The following CSNK1G1 variants were observed in gnomAD, a reference collection of about 807,000 sequenced individuals.
CSNK1G1 encodes the protein casein kinase I isoform gamma-1.
CSNK1G1 carries 22 observed loss-of-function variants against 59.6 expected under a neutral mutation model. The observed-to-expected ratio is 0.37, with a 90% CI of 0.26 to 0.53. CSNK1G1 has a LOEUF of 0.53. CSNK1G1 is among the 20% of genes least tolerant of loss of function. The pLI is 0.89. For synonymous variants in CSNK1G1, 179 were observed against 177.1 expected, an observed-to-expected ratio of 1.01 and a Z score of -0.08; for missense variants, 384 against 519.5, an observed-to-expected ratio of 0.74 and a Z score of 2.54.
intron 2 of CSNK1G1, among the ~76,000 whole-genome samples, chr15:64,284,960 C>T (rs1324535644): frequency 6.6e-6 from 1 of 151,876 alleles, no homozygotes; most frequent in South Asian, 2.1e-4. Context: ...GCCTTGACTC[C>T]TCAATACAAA....
At chr15:64,301,393 G>A (rs957522885) in intron 1 of CSNK1G1, among the ~76,000 whole-genome samples, 13 of 150,344 alleles carry the variant, frequency 8.6e-5, no homozygotes, top group Non-Finnish European at 1.8e-4. Flanking sequence ...AATCTTAAGC[G>A]TAACATTCAT....
intron 3 of CSNK1G1, among the ~76,000 whole-genome samples, chr15:64,254,218 G>C (rs1454873194): frequency 2.0e-5 from 3 of 152,068 alleles, no homozygotes; most frequent in Non-Finnish European, 4.4e-5. Flanking sequence ...TGGTTGCCAA[G>C]GGGTTGGGGG....
chr15:64,198,732 A>G (rs1475467226), intron 10 of CSNK1G1, among the ~76,000 whole-genome samples: 2 of 149,688 alleles, frequency 1.3e-5, no homozygotes, highest in African/African-American at 5.0e-5. Flanking sequence ...ATTTTCTTAA[A>G]AAAAAAAAAA....
At chr15:64,207,193 A>T (rs953000591) in intron 7 of CSNK1G1, among the ~76,000 whole-genome samples, 17 of 152,352 alleles carry the variant, frequency 1.1e-4, no homozygotes, top group South Asian at 6.2e-4. Context: ...AGCATTTATA[A>T]TGTAGACTAA....
At chr15:64,263,160 G>C (rs1436717405) in intron 2 of CSNK1G1, among the ~76,000 whole-genome samples, 1 of 151,348 alleles carries the variant, frequency 6.6e-6, no homozygotes, top group Admixed American at 6.6e-5. Flanking sequence ...GAAGTCTTGA[G>C]GAGTCTCATC....
intron 2 of CSNK1G1, among the ~76,000 whole-genome samples, chr15:64,274,070 T>A (rs1050399479): frequency 1.3e-5 from 2 of 152,194 alleles, no homozygotes; most frequent in African/African-American, 4.8e-5. Flanking sequence ...CCCAACATAG[T>A]GGCTGATACA....
chr15:64,236,182 TAGTG>T (rs1006774138), intron 4 of CSNK1G1, among the ~76,000 whole-genome samples: 2 of 138,510 alleles, frequency 1.4e-5, no homozygotes, highest in African/African-American at 5.3e-5. Context: ...GAAAAGAAAA[TAGTG>T]AGGAAAAGTT....
intron 2 of CSNK1G1, among the ~76,000 whole-genome samples, chr15:64,298,430 G>C (rs1267357890): frequency 6.6e-6 from 1 of 152,162 alleles, no homozygotes; most frequent in Non-Finnish European, 1.5e-5. Flanking sequence ...AATATTCACA[G>C]AACTATTCGT....
intron 10 of CSNK1G1, among the ~76,000 whole-genome samples, chr15:64,192,230 T>C (rs996686071): frequency 3.9e-5 from 6 of 152,218 alleles, no homozygotes; most frequent in African/African-American, 1.4e-4. Flanking sequence ...AGAAAAGTCA[T>C]TCAGCAAAGT....
chr15:64,289,832 T>A (rs1894640174), intron 2 of CSNK1G1, among the ~76,000 whole-genome samples: 1 of 152,090 alleles, frequency 6.6e-6, no homozygotes, highest in Non-Finnish European at 1.5e-5. Flanking sequence ...AATGAAGACA[T>A]ACAAATGACT....
At chr15:64,293,243 TCTC>T (rs1394081524) in intron 2 of CSNK1G1, among the ~76,000 whole-genome samples, 6 of 152,072 alleles carry the variant, frequency 3.9e-5, no homozygotes, top group Admixed American at 3.9e-4. Flanking sequence ...TCTTCATAAT[TCTC>T]CTTTCATTGA....
intron 10 of CSNK1G1, among the ~76,000 whole-genome samples, chr15:64,193,406 T>C (rs1190531268): frequency 6.6e-6 from 1 of 151,140 alleles, no homozygotes; most frequent in Non-Finnish European, 1.5e-5. Context: ...GGCAGGAGAA[T>C]TGCTTGAACC....
chr15:64,295,048 G>A (rs1256197895), intron 2 of CSNK1G1, among the ~76,000 whole-genome samples: 3 of 152,002 alleles, frequency 2.0e-5, no homozygotes, highest in African/African-American at 7.2e-5. Flanking sequence ...TGGCTAACAT[G>A]GTGAAACCCC....
At chr15:64,234,098 T>C (rs1276956243) in intron 4 of CSNK1G1, among the ~76,000 whole-genome samples, 1 of 152,140 alleles carries the variant, frequency 6.6e-6, no homozygotes, top group East Asian at 1.9e-4. Flanking sequence ...CATATACTGA[T>C]CAGGTTCTTG....
chr15:64,193,112 T>A (rs1051148905), intron 10 of CSNK1G1, among the ~76,000 whole-genome samples: 3 of 152,100 alleles, frequency 2.0e-5, no homozygotes, highest in African/African-American at 7.2e-5. Context: ...ATATACTGGA[T>A]TACATTCTGG....
At position 64,251,560 on chromosome 15, in the gene CSNK1G1, G is replaced by C; in HGVS notation, c.244C>G (p.Pro82Ala). The change falls in exon 4 of 12, where the codon CCA (proline) becomes GCA (alanine). Residue 82 changes from proline (P) to alanine (A), a missense_variant. This residue lies in a region of CSNK1G1 where 325 missense variants were observed against 440.9 expected (regional missense o/e 0.74). Transcript: ENST00000303052. ...AATCTGTACTCTAAATGAAGCTGTG[G>C]AGCACGTGATTTTATTGGTTCCTGA... ...IKLEPIKSRA[P>A]QLHLEYRFYK... 6.2e-7 allele frequency: 1 copy of C among 1,612,678 alleles called. No homozygotes were observed. Among genetic ancestry groups the C allele is most frequent in the East Asian group, 2.2e-5 (1 of 44,832 alleles).
intron 4 of CSNK1G1, among the ~76,000 whole-genome samples, chr15:64,226,759 T>C (rs1160439652): frequency 1.3e-5 from 2 of 152,128 alleles, no homozygotes; most frequent in Admixed American, 1.3e-4. Context: ...AATTTCAAAA[T>C]CTGCCTCAAA....
At chr15:64,264,411 G>C (rs1892870381) in intron 2 of CSNK1G1, among the ~76,000 whole-genome samples, 1 of 152,106 alleles carries the variant, frequency 6.6e-6, no homozygotes, top group South Asian at 2.1e-4. Context: ...AAAAGCCCAG[G>C]ACCTGATGGC....
At chr15:64,326,252 T>C (rs1896828131) in intron 1 of CSNK1G1, among the ~76,000 whole-genome samples, 1 of 152,140 alleles carries the variant, frequency 6.6e-6, no homozygotes, top group South Asian at 2.1e-4. Context: ...TCTCGAACTC[T>C]TGGCCTCAAG....
Sources: allele counts gnomAD v4.1 joint callset (sites outside exome capture counted in the v4.1 genomes callset), GRCh38; gene constraint gnomAD v4.1.1; regional missense constraint gnomAD v4.1.1; transcripts MANE v1.5; gene names NCBI Gene and HGNC (gene_info 2026-07-23, HGNC 2026-07-21).